The following RPS6KC1 variants were observed in gnomAD, a reference collection of about 807,000 sequenced individuals.
RPS6KC1 encodes the protein ribosomal protein S6 kinase C1.
RPS6KC1 carries 54 observed loss-of-function variants against 103.8 expected under a neutral mutation model. The ratio of observed to expected loss-of-function variants is 0.52; its 90% CI spans 0.42 to 0.65. The LOEUF (loss-of-function observed/expected upper bound fraction) is 0.65, where lower values mean the gene tolerates loss of function less well. Ranked by LOEUF, RPS6KC1 falls within the 30% of genes least tolerant of loss-of-function variation. The pLI, the probability that RPS6KC1 is intolerant of heterozygous loss-of-function variation, is 0.00. For synonymous variants in RPS6KC1, 439 were observed against 438.7 expected (o/e 1.00, Z -0.01); for missense variants, 1,151 against 1,253.8 (o/e 0.92, Z 1.24).
intron 6 of RPS6KC1, among the ~76,000 whole-genome samples, chr1:213,132,670 A>C (rs11120091): frequency 6.6e-6 from 1 of 152,204 alleles, no homozygotes; most frequent in Non-Finnish European, 1.5e-5. Context: ...TGTTAGTGAA[A>C]TATCTCTATA....
At chr1:213,204,029 T>C (rs2093260322) in intron 8 of RPS6KC1, among the ~76,000 whole-genome samples, 1 of 152,234 alleles carries the variant, frequency 6.6e-6, no homozygotes, top group South Asian at 2.1e-4. Context: ...TGATGGTCCA[T>C]GTCTGAATTA....
chr1:213,728,902 A>C, the RPS6KC1 span, among the ~76,000 whole-genome samples: 1 of 140,316 alleles, frequency 7.1e-6, no homozygotes, highest in Admixed American at 7.2e-5. Context: ...AGTCAGAAGT[A>C]TAACTTAGGT....
chr1:213,788,058 A>G, the RPS6KC1 span, among the ~76,000 whole-genome samples: 1 of 152,166 alleles, frequency 6.6e-6, no homozygotes, highest in African/African-American at 2.4e-5. Context: ...CCAAGAAGCT[A>G]TTTACAAGAG....
At chr1:213,600,899 T>C in the RPS6KC1 span, among the ~76,000 whole-genome samples, 12 of 152,250 alleles carry the variant, frequency 7.9e-5, no homozygotes, top group Non-Finnish European at 1.5e-5. Flanking sequence ...AAAAGGCCCC[T>C]AAGTATTGGC....
At chr1:213,828,965 A>G in the RPS6KC1 span, among the ~76,000 whole-genome samples, 9 of 152,192 alleles carry the variant, frequency 5.9e-5, no homozygotes, top group Non-Finnish European at 1.3e-4. Context: ...TTGTTGTTAT[A>G]TTACTTTTAT....
the RPS6KC1 span, among the ~76,000 whole-genome samples, chr1:213,721,117 T>C: frequency 6.6e-6 from 1 of 152,216 alleles, no homozygotes; most frequent in African/African-American, 2.4e-5. Context: ...TATCTCAGCT[T>C]CTGCCTGCTT....
chr1:213,077,062 GT>G (rs1331990299), intron 2 of RPS6KC1, among the ~76,000 whole-genome samples: 4 of 152,126 alleles, frequency 2.6e-5, no homozygotes, highest in Non-Finnish European at 4.4e-5. Flanking sequence ...TAGAGATGGG[GT>G]TTCACCATGT....
chr1:213,772,351 C>T, the RPS6KC1 span, among the ~76,000 whole-genome samples: 1 of 152,180 alleles, frequency 6.6e-6, no homozygotes, highest in African/African-American at 2.4e-5. Context: ...GCGCAGGACA[C>T]AATGGCAAAT....
At chr1:213,665,357 G>A in the RPS6KC1 span, among the ~76,000 whole-genome samples, 4,931 of 151,854 alleles carry the variant, frequency 0.032, 264 homozygotes, top group African/African-American at 0.11. Context: ...TAGAAAGGTA[G>A]ACAACAGGCA....
the RPS6KC1 span, among the ~76,000 whole-genome samples, chr1:213,686,294 C>T: frequency 6.6e-6 from 1 of 152,220 alleles, no homozygotes; most frequent in African/African-American, 2.4e-5. Context: ...GTGGCCTTAG[C>T]TCCTTGTTGG....
At chr1:213,204,951 A>G (rs2093292943) in intron 8 of RPS6KC1, among the ~76,000 whole-genome samples, 1 of 152,040 alleles carries the variant, frequency 6.6e-6, no homozygotes, top group Non-Finnish European at 1.5e-5. Context: ...ATGGACTTAA[A>G]TCAGTTTGGT....
the RPS6KC1 span, among the ~76,000 whole-genome samples, chr1:213,490,037 CA>C: frequency 6.6e-6 from 1 of 152,108 alleles, no homozygotes; most frequent in Non-Finnish European, 1.5e-5. Context: ...GGAAATCAGA[CA>C]AAACCCAGGA....
intron 1 of RPS6KC1, among the ~76,000 whole-genome samples, chr1:213,064,660 G>A (rs541636280): frequency 4.1e-5 from 6 of 147,394 alleles, no homozygotes; most frequent in African/African-American, 1.5e-4. Flanking sequence ...GAGCCACTGC[G>A]CCTGGCCTTT....
At chr1:213,442,804 C>A in the RPS6KC1 span, among the ~76,000 whole-genome samples, 1 of 152,202 alleles carries the variant, frequency 6.6e-6, no homozygotes, top group African/African-American at 2.4e-5. Flanking sequence ...CCCCTGGGGA[C>A]GCTGTGTTCC....
chr1:213,674,758 A>G, the RPS6KC1 span, among the ~76,000 whole-genome samples: 1 of 152,206 alleles, frequency 6.6e-6, no homozygotes, highest in African/African-American at 2.4e-5. Flanking sequence ...AACAGTGCAT[A>G]AGCATTCCCT....
chr1:213,200,853 A>G (rs1255536470), intron 8 of RPS6KC1, among the ~76,000 whole-genome samples: 1 of 152,212 alleles, frequency 6.6e-6, no homozygotes, highest in Non-Finnish European at 1.5e-5. Flanking sequence ...CATGCAGCCA[A>G]CAATCTTATG....
chr1:213,128,591 A>G (rs1241535052), intron 5 of RPS6KC1, among the ~76,000 whole-genome samples: 1 of 152,210 alleles, frequency 6.6e-6, no homozygotes, highest in East Asian at 1.9e-4. Flanking sequence ...ATAATTCAGT[A>G]GCACCTATTA....
chr1:213,124,771 A>G (rs2084787144), intron 5 of RPS6KC1, among the ~76,000 whole-genome samples: 1 of 152,132 alleles, frequency 6.6e-6, no homozygotes, highest in Non-Finnish European at 1.5e-5. Context: ...AGAGAAAGAT[A>G]TCAGTGAGTA....
chr1:213,290,764 T>C, the RPS6KC1 span, among the ~76,000 whole-genome samples: 1 of 152,166 alleles, frequency 6.6e-6, no homozygotes, highest in Non-Finnish European at 1.5e-5. Context: ...AGGAAAACCA[T>C]GGGGTGCGTG....
Sources: gnomAD v4.1 joint callset for allele counts (sites outside exome capture counted in the v4.1 genomes callset) on GRCh38, gnomAD v4.1.1 for gene constraint, MANE v1.5 for transcripts, NCBI Gene and HGNC (gene_info 2026-07-23, HGNC 2026-07-21) for gene names.